APP: variants seen among roughly 807,000 people sequenced by gnomAD.
APP encodes the protein amyloid-beta precursor protein.
APP carries 31 observed loss-of-function variants against 101.4 expected under a neutral mutation model. That is an observed-to-expected ratio of 0.31 (90% CI 0.23 to 0.41). APP has a LOEUF of 0.41. APP is among the 10% of genes least tolerant of loss of function. The pLI is 1.00. For synonymous variants in APP, 366 were observed against 364.4 expected (o/e 1.00, Z -0.05); for missense variants, 839 against 1,003.7 (o/e 0.84, Z 2.22).
At chr21:26,035,861 C>A (rs1216560389) in intron 5 of APP, among the ~76,000 whole-genome samples, 5 of 152,086 alleles carry the variant, frequency 3.3e-5, no homozygotes, top group Admixed American at 3.3e-4. Flanking sequence ...GTGGATAAAT[C>A]CAGAATTCAT....
chr21:25,918,026 G>GC (rs1423193631), intron 13 of APP, among the ~76,000 whole-genome samples: 1 of 152,162 alleles, frequency 6.6e-6, no homozygotes, highest in Non-Finnish European at 1.5e-5. Context: ...AAAAAGTCTG[G>GC]CAACAACAGA....
Position 26,157,240 on chromosome 21 carries a change from T to C in APP, c.57+13324A>G, listed in dbSNP as rs186972198. On this transcript the variant is annotated intron_variant, in intron 1 of 17. Coordinates refer to ENST00000346798, the MANE Select transcript of APP (RefSeq NM_000484.4). ...ATGCACCACCACGCTCGGCTGATTT[T>C]TGTATTTTTTGTAGAGACGGGGTTT... 4.3e-4 allele frequency among the ~76,000 whole-genome samples: 65 copies of C among 152,254 alleles called. 2 individuals are homozygous for C. In the East Asian group the frequency reaches 9.6e-3, roughly 23 times the overall value.
At chr21:25,969,084 A>T (rs550651573) in intron 11 of APP, among the ~76,000 whole-genome samples, 2 of 152,206 alleles carry the variant, frequency 1.3e-5, no homozygotes, top group South Asian at 4.1e-4. Context: ...TTACGCCTGC[A>T]ATCTCAGCAC....
intron 5 of APP, among the ~76,000 whole-genome samples, chr21:26,027,294 C>A (rs1308484424): frequency 1.3e-5 from 2 of 152,040 alleles, no homozygotes; most frequent in African/African-American, 4.8e-5. Context: ...TCTAGAGGCT[C>A]CCAGAGTCAG....
At chr21:26,158,003 C>T (rs550552543) in intron 1 of APP, 9 of 152,300 alleles carry the variant, frequency 5.9e-5, no homozygotes, top group Non-Finnish European at 7.3e-5. Flanking sequence ...CTAGATCAAA[C>T]GAAAGACAGT....
chr21:26,155,794 G>A (rs940126232), intron 1 of APP, among the ~76,000 whole-genome samples: 2 of 152,114 alleles, frequency 1.3e-5, no homozygotes, highest in Non-Finnish European at 2.9e-5. Context: ...AGGAGATCAA[G>A]ACCATCCTGG....
intron 13 of APP, among the ~76,000 whole-genome samples, chr21:25,927,403 G>A (rs1447260892): frequency 2.0e-5 from 3 of 152,214 alleles, no homozygotes; most frequent in Non-Finnish European, 4.4e-5. Context: ...CAATGGTCAA[G>A]AGAGATACAG....
At chr21:26,085,107 G>A (rs750317910) in intron 3 of APP, among the ~76,000 whole-genome samples, 1 of 152,150 alleles carries the variant, frequency 6.6e-6, no homozygotes, top group East Asian at 1.9e-4. Context: ...GATAAACACT[G>A]ATAAGATTTC....
Position 26,016,933 on chromosome 21 carries a change from G to T in APP, c.865+4907C>A, listed in dbSNP as rs867910454. Among the ~76,000 whole-genome samples, 6 of 51,122 alleles carry T rather than the reference G, an allele frequency of 1.2e-4. 1 individual carries two copies. The highest frequency in any genetic ancestry group is 1.9e-4 in the African/African-American group (2 of 10,346). 33.5% of individuals were successfully genotyped at this position (51,122 alleles called of 152,430 possible). A position where few individuals can be genotyped will look rare whatever the true frequency, so the allele number is the denominator to read the frequency against. On this transcript the variant is annotated intron_variant, in intron 6 of 17. Coordinates refer to ENST00000346798, the MANE Select transcript of APP (RefSeq NM_000484.4). The stretch of plus-strand genomic sequence containing the variant: ...GGCCTGTATTCCCAGCACTTTGTGG[G>T]GGGCGGGGGGCGGGGGGCGGGGGGT...
At chr21:26,084,115 T>C (rs1302302766) in intron 3 of APP, among the ~76,000 whole-genome samples, 4 of 151,924 alleles carry the variant, frequency 2.6e-5, no homozygotes, top group African/African-American at 4.8e-5. Flanking sequence ...TCCTGAGTTT[T>C]AGAAAGCAAA....
At chr21:25,986,416 AG>A (rs1347826264) in intron 8 of APP, among the ~76,000 whole-genome samples, 17 of 152,326 alleles carry the variant, frequency 1.1e-4, no homozygotes, top group Non-Finnish European at 1.6e-4. Flanking sequence ...GATAAAGGCT[AG>A]GATTTCGGCC....
At chr21:25,963,181 A>G (rs1383086780) in intron 11 of APP, among the ~76,000 whole-genome samples, 2 of 152,014 alleles carry the variant, frequency 1.3e-5, no homozygotes, top group African/African-American at 4.8e-5. Context: ...CTTTTATACG[A>G]TTTCTCAAAT....
chr21:25,954,569 T>A, intron 13 of APP, 21 bp downstream of exon 13: 1 of 1,590,702 alleles, frequency 6.3e-7, no homozygotes, highest in Non-Finnish European at 8.6e-7. Context: ...ATGTGCAGCA[T>A]CAAAAGAACA....
intron 1 of APP, among the ~76,000 whole-genome samples, chr21:26,146,435 G>A (rs186328733): frequency 1.3e-5 from 2 of 152,288 alleles, no homozygotes; most frequent in Admixed American, 1.3e-4. Flanking sequence ...TTTCCCTGAC[G>A]ACTATGAGAT....
At chr21:26,000,251 C>T (rs1342103130) in intron 6 of APP, 69 bp from the exon 7 acceptor site, 20 of 1,587,766 alleles carry the variant, frequency 1.3e-5, no homozygotes, top group Middle Eastern at 3.4e-4. Context: ...CATGTATACA[C>T]GTTTACTTCT....
intron 11 of APP, among the ~76,000 whole-genome samples, chr21:25,969,609 G>A (rs2041933399): frequency 1.3e-5 from 2 of 151,900 alleles, no homozygotes; most frequent in Non-Finnish European, 2.9e-5. Context: ...AAAAGCCGAG[G>A]TGAAAGGATC....
chr21:25,914,380 G>A (rs1028795225), intron 13 of APP, among the ~76,000 whole-genome samples: 5 of 151,814 alleles, frequency 3.3e-5, no homozygotes, highest in Non-Finnish European at 5.9e-5. Flanking sequence ...TGTGGTAGTA[G>A]TGAGAGATGG....
chr21:26,078,238 T>A (rs913092743), intron 3 of APP, among the ~76,000 whole-genome samples: 2 of 152,144 alleles, frequency 1.3e-5, no homozygotes, highest in Non-Finnish European at 2.9e-5. Context: ...TCATAATAAG[T>A]AAATAAACAG....
chr21:25,892,937 A>G (rs1247562474), intron 16 of APP, among the ~76,000 whole-genome samples: 2 of 120,700 alleles, frequency 1.7e-5, no homozygotes, highest in African/African-American at 6.7e-5. Context: ...AGTAGTGCTT[A>G]CAGATAGTAT....
Sources: gnomAD v4.1 joint callset for allele counts (sites outside exome capture counted in the v4.1 genomes callset) on GRCh38, gnomAD v4.1.1 for gene constraint, MANE v1.5 for transcripts, NCBI Gene and HGNC (gene_info 2026-07-23, HGNC 2026-07-21) for gene names.